The following NGEF variants were observed in gnomAD, a reference collection of about 807,000 sequenced individuals.
NGEF encodes neuronal guanine nucleotide exchange factor.
In NGEF, 31 loss-of-function variants were observed where a neutral mutation model predicts 80.9. The ratio of observed to expected loss-of-function variants is 0.38; its 90% CI spans 0.29 to 0.52. The LOEUF is 0.52. Among genes scored for constraint, NGEF ranks in the 20% least tolerant of loss-of-function variants. NGEF has a pLI of 0.84. For missense variants in NGEF, 709 were observed against 926.2 expected (o/e 0.77, Z 3.04); for synonymous variants, 371 against 370.2 (o/e 1.00, Z -0.03).
At chr2:232,952,945 G>C (rs1459875598) in intron 3 of NGEF, among the ~76,000 whole-genome samples, 1 of 106,574 alleles carries the variant, frequency 9.4e-6, no homozygotes, top group African/African-American at 3.7e-5. Context: ...TCCAACAAGA[G>C]TGCAGACAAG....
At chr2:232,882,106 C>T in intron 13 of NGEF, 80 bp downstream of exon 13, 2 of 1,314,922 alleles carry the variant, frequency 1.5e-6, no homozygotes, top group Non-Finnish European at 2.2e-6. Context: ...TCCCTCCAGG[C>T]AGGGCACACC....
rs1354437441 is a variant in NGEF, at chr2:232,995,272, C to CTGTGTACAGTATGTATACTGTATA, written c.-75+17772_-75+17795dup. Among the ~76,000 whole-genome samples, 49 of 8,238 alleles carry CTGTGTACAGTATGTATACTGTATA rather than the reference C, an allele frequency of 5.9e-3. 18 individuals are homozygous for CTGTGTACAGTATGTATACTGTATA. The highest frequency in any genetic ancestry group is 0.33 in the Middle Eastern group (2 of 6). The allele number at this position is 8,238 out of a possible 152,430, so 5.4% of individuals were successfully genotyped here. ...ACTGTATATGTGTACAGTATGTATG[C>CTGTGTACAGTATGTATACTGTATA]TGTGTACAGTATGTATACTGTATAT... On this transcript the variant is annotated intron_variant, in intron 1 of 14. Transcript: ENST00000264051.
At chr2:232,913,331 T>C (rs1277272968) in intron 5 of NGEF, among the ~76,000 whole-genome samples, 2 of 152,224 alleles carry the variant, frequency 1.3e-5, no homozygotes, top group African/African-American at 4.8e-5. Context: ...TGTAATTCCA[T>C]TAGGGTCAGA....
intron 1 of NGEF, among the ~76,000 whole-genome samples, chr2:232,984,421 G>A (rs1694494837): frequency 6.6e-6 from 1 of 152,162 alleles, no homozygotes. Context: ...AGGAAGAAGA[G>A]AGTGGCATAG....
intron 1 of NGEF, among the ~76,000 whole-genome samples, chr2:233,010,411 A>C (rs1429464469): frequency 1.3e-5 from 2 of 152,150 alleles, no homozygotes; most frequent in Non-Finnish European, 2.9e-5. Flanking sequence ...TTGCTTTATA[A>C]TACATCAAAC....
intron 2 of NGEF, among the ~76,000 whole-genome samples, chr2:232,972,383 A>G (rs1419299144): frequency 6.6e-6 from 1 of 152,236 alleles, no homozygotes; most frequent in Non-Finnish European, 1.5e-5. Flanking sequence ...TGCATTGTTA[A>G]AATTAATTTC....
At chr2:232,881,697 C>T (rs757516046) in intron 13 of NGEF, among the ~76,000 whole-genome samples, 28 of 152,204 alleles carry the variant, frequency 1.8e-4, no homozygotes, top group Non-Finnish European at 3.2e-4. Flanking sequence ...ATTCTCATGC[C>T]TCAGCTTCCA....
At chr2:233,012,056 G>A (rs966203565) in intron 1 of NGEF, among the ~76,000 whole-genome samples, 7 of 152,088 alleles carry the variant, frequency 4.6e-5, no homozygotes, top group Middle Eastern at 3.2e-3. Flanking sequence ...CATGGGCAAA[G>A]GGGAAGCCTA....
chr2:232,956,453 A>G (rs1693835169), intron 3 of NGEF, among the ~76,000 whole-genome samples: 1 of 152,266 alleles, frequency 6.6e-6, no homozygotes, highest in East Asian at 1.9e-4. Flanking sequence ...TATTGATAGA[A>G]CCAATAAAAT....
chr2:232,918,217 C>T (rs1273849835), intron 5 of NGEF, among the ~76,000 whole-genome samples: 1 of 152,176 alleles, frequency 6.6e-6, no homozygotes, highest in Non-Finnish European at 1.5e-5. Flanking sequence ...CTCGGCCTCC[C>T]AAAGTGCTGA....
chr2:232,936,542 G>A (rs971984190), intron 3 of NGEF, among the ~76,000 whole-genome samples: 1 of 152,206 alleles, frequency 6.6e-6, no homozygotes, highest in African/African-American at 2.4e-5. Context: ...ACTGAGGTCA[G>A]CTACCTGGGC....
chr2:232,924,412 A>T (rs992485092), intron 4 of NGEF, among the ~76,000 whole-genome samples: 1 of 152,066 alleles, frequency 6.6e-6, no homozygotes, highest in African/African-American at 2.4e-5. Context: ...AACCTCCAGA[A>T]CTGTAAGAAA....
At chr2:232,899,868 ACT>A (rs1441938800) in intron 5 of NGEF, among the ~76,000 whole-genome samples, 15 of 146,784 alleles carry the variant, frequency 1.0e-4, no homozygotes, top group South Asian at 2.2e-4. Context: ...TCTCACAGTC[ACT>A]CATATACACG....
chr2:232,915,021 A>G (rs1002259907), intron 5 of NGEF, among the ~76,000 whole-genome samples: 12 of 151,040 alleles, frequency 7.9e-5, no homozygotes, highest in Non-Finnish European at 1.3e-4. Context: ...CATCTCCAAA[A>G]AAAAAAAAAA....
At chr2:233,008,410 T>TTGCC (rs1695132366) in intron 1 of NGEF, among the ~76,000 whole-genome samples, 1 of 152,204 alleles carries the variant, frequency 6.6e-6, no homozygotes, top group Non-Finnish European at 1.5e-5. Context: ...CTCCAGGGAT[T>TTGCC]TGGCCTTCAT....
At chr2:232,934,355 GC>G (rs1344522184) in intron 3 of NGEF, among the ~76,000 whole-genome samples, 1 of 151,364 alleles carries the variant, frequency 6.6e-6, no homozygotes, top group African/African-American at 2.4e-5. Context: ...CTAAATGGAA[GC>G]TATTCCTTTT....
intron 4 of NGEF, among the ~76,000 whole-genome samples, chr2:232,926,531 C>T (rs921436330): frequency 6.6e-6 from 1 of 152,154 alleles, no homozygotes; most frequent in Non-Finnish European, 1.5e-5. Context: ...CTTGCTTCCT[C>T]CCTACTTCGC....
intron 5 of NGEF, among the ~76,000 whole-genome samples, chr2:232,911,450 C>T (rs1380710697): frequency 1.3e-5 from 2 of 152,096 alleles, no homozygotes; most frequent in African/African-American, 4.8e-5. Flanking sequence ...TATGACTCCT[C>T]CAGCTTTATT....
chr2:232,900,907 G>T (rs1274111240), intron 5 of NGEF, among the ~76,000 whole-genome samples: 7 of 152,236 alleles, frequency 4.6e-5, no homozygotes. Flanking sequence ...CTCAGGCAGC[G>T]CGGGCCACGG....
Sources: allele counts gnomAD v4.1 joint callset (sites outside exome capture counted in the v4.1 genomes callset), GRCh38; gene constraint gnomAD v4.1.1; transcripts MANE v1.5; gene names NCBI Gene and HGNC (gene_info 2026-07-23, HGNC 2026-07-21).